DENND4A: variants seen among roughly 807,000 people sequenced by gnomAD.
DENND4A encodes DENN domain containing 4A.
DENND4A carries 70 observed loss-of-function variants against 199.3 expected under a neutral mutation model. The observed-to-expected ratio is 0.35, with a 90% CI of 0.29 to 0.43. The LOEUF is 0.43. DENND4A is among the 20% of genes least tolerant of loss of function. The pLI is 1.00. For missense variants in DENND4A, 1,723 were observed against 2,255.8 expected (o/e 0.76, Z 4.78); for synonymous variants, 686 against 766.9 (o/e 0.89, Z 1.74).
chr15:65,731,175 G>A (rs902210568), intron 9 of DENND4A, among the ~76,000 whole-genome samples: 1 of 151,956 alleles, frequency 6.6e-6, no homozygotes, highest in Non-Finnish European at 1.5e-5. Flanking sequence ...AAAGGATACT[G>A]TAGAGAAAAC....
At chr15:65,717,740 C>G in intron 13 of DENND4A, 38 bp downstream of exon 13, 2 of 1,500,590 alleles carry the variant, frequency 1.3e-6, no homozygotes, top group East Asian at 2.4e-5. Flanking sequence ...AAGTTAAGCT[C>G]AATAACCTGA....
intron 1 of DENND4A, among the ~76,000 whole-genome samples, chr15:65,790,218 C>G (rs1416024815): frequency 1.3e-5 from 2 of 152,142 alleles, no homozygotes; most frequent in Non-Finnish European, 2.9e-5. Flanking sequence ...GAATCAATAA[C>G]TCTTTAAACC....
In DENND4A at chr15:65,679,977, TTC is replaced by T. The variant is rs776442427; in HGVS notation, c.4180-3345_4180-3344del. Among the ~76,000 whole-genome samples the T allele has an allele frequency of 2.6e-5, 4 of 152,206 alleles. No homozygotes were observed. The East Asian group carries it at 5.8e-4, about 22-fold the overall frequency. On this transcript the variant is annotated intron_variant, in intron 23 of 32. Transcript: ENST00000443035. Reference sequence around the variant, plus strand: ...TTTTGGAATTACTTTTAACCCTACTTTCTTTCTCATCTCAATGCCTGTCCTTG... The same window carrying T: ...TTTTGGAATTACTTTTAACCCTACTTTTTCTCATCTCAATGCCTGTCCTTG...
At chr15:65,760,881 C>T (rs1165304342) in intron 2 of DENND4A, among the ~76,000 whole-genome samples, 3 of 151,900 alleles carry the variant, frequency 2.0e-5, no homozygotes, top group Non-Finnish European at 4.4e-5. Flanking sequence ...CAGAGGGAGG[C>T]TCTGTCTCAA....
At chr15:65,785,125 C>CAA (rs777538162) in intron 1 of DENND4A, among the ~76,000 whole-genome samples, 3 of 129,318 alleles carry the variant, frequency 2.3e-5, no homozygotes, top group African/African-American at 2.9e-5. Flanking sequence ...GACTCTGTCT[C>CAA]AAAAAAAAAA....
chr15:65,720,084 C>A (rs1372982887), intron 12 of DENND4A, among the ~76,000 whole-genome samples: 1 of 152,202 alleles, frequency 6.6e-6, no homozygotes, highest in East Asian at 1.9e-4. Context: ...GAACTGGATC[C>A]TTTTGTTATA....
At chr15:65,716,744 C>T (rs945073143) in intron 13 of DENND4A, among the ~76,000 whole-genome samples, 2 of 151,568 alleles carry the variant, frequency 1.3e-5, no homozygotes, top group Non-Finnish European at 2.9e-5. Context: ...GATTTATAGT[C>T]CTTTGGGTAT....
intron 1 of DENND4A, among the ~76,000 whole-genome samples, chr15:65,764,793 T>C (rs556091592): frequency 2.6e-5 from 4 of 152,058 alleles, no homozygotes; most frequent in Middle Eastern, 3.4e-3. Context: ...GGCAACATAG[T>C]GAGACCCCAT....
rs539833415 is a variant in DENND4A, at chr15:65,661,732, T to G, written c.*119A>C. The stretch of plus-strand genomic sequence containing the variant: ...TCTGTACATAAGCTGTCTGAGTCTT[T>G]TGAACCATTTACAAATTGTATTTTC... On this transcript the variant is annotated 3_prime_UTR_variant, in exon 33 of 33. Transcript: ENST00000443035. 2 of 910,432 alleles carry G rather than the reference T, an allele frequency of 2.2e-6. No homozygotes were observed. The highest frequency in any genetic ancestry group is 3.3e-5 in the African/African-American group (2 of 59,864). The allele number at this position is 910,432 out of a possible 1,614,324, so 56.4% of individuals were successfully genotyped here.
intron 21 of DENND4A, 190 bp from the exon 22 acceptor site, chr15:65,696,687 A>C: frequency 5.1e-6 from 2 of 392,670 alleles, no homozygotes; most frequent in Non-Finnish European, 9.3e-6. Flanking sequence ...AGTGTAGATC[A>C]AACTACTGAA....
intron 11 of DENND4A, among the ~76,000 whole-genome samples, chr15:65,726,864 G>A (rs1258596360): frequency 2.0e-5 from 3 of 152,034 alleles, no homozygotes; most frequent in African/African-American, 4.8e-5. Flanking sequence ...GCTGAGGCAG[G>A]AGAATTGCTT....
intron 4 of DENND4A, among the ~76,000 whole-genome samples, chr15:65,748,059 A>G (rs2076456319): frequency 6.9e-6 from 1 of 145,898 alleles, no homozygotes; most frequent in South Asian, 2.2e-4. Flanking sequence ...AAAAAAAAAA[A>G]AAAAGGAAAA....
At chr15:65,698,143 A>C (rs1370851275) in intron 20 of DENND4A, among the ~76,000 whole-genome samples, 4 of 151,868 alleles carry the variant, frequency 2.6e-5, no homozygotes, top group East Asian at 1.9e-4. Flanking sequence ...ACCTATAGAC[A>C]CTTCTTGGGA....
At chr15:65,744,239 G>A (rs915934830) in intron 4 of DENND4A, among the ~76,000 whole-genome samples, 5 of 152,144 alleles carry the variant, frequency 3.3e-5, no homozygotes, top group African/African-American at 1.2e-4. Context: ...CTGAGTAACA[G>A]GAAGGAAGAA....
chr15:65,666,137 A>G (rs1196171958), intron 29 of DENND4A, among the ~76,000 whole-genome samples: 1 of 152,218 alleles, frequency 6.6e-6, no homozygotes, highest in Non-Finnish European at 1.5e-5. Flanking sequence ...ATGGATACCT[A>G]TAACTGCAGA....
intron 1 of DENND4A, among the ~76,000 whole-genome samples, chr15:65,776,082 CTACTA>C (rs1332641781): frequency 6.6e-6 from 1 of 152,180 alleles, no homozygotes; most frequent in Non-Finnish European, 1.5e-5. Context: ...GTACATATCT[CTACTA>C]TGATTATCCC....
At chr15:65,759,207 G>C (rs2076788645) in intron 2 of DENND4A, among the ~76,000 whole-genome samples, 1 of 152,168 alleles carries the variant, frequency 6.6e-6, no homozygotes, top group Non-Finnish European at 1.5e-5. Context: ...GGCCAGGCAA[G>C]GTGGCTCACG....
At chr15:65,707,688 GA>G (rs2075106985) in intron 14 of DENND4A, among the ~76,000 whole-genome samples, 1 of 149,796 alleles carries the variant, frequency 6.7e-6, no homozygotes, top group African/African-American at 2.5e-5. Flanking sequence ...TACATATTAT[GA>G]TTTTTTTTTT....
chr15:65,675,072 A>G (rs2076332559), intron 24 of DENND4A, among the ~76,000 whole-genome samples: 1 of 152,216 alleles, frequency 6.6e-6, no homozygotes, highest in South Asian at 2.1e-4. Flanking sequence ...CAAATCTTCT[A>G]TTACATCCAT....
Sources: gnomAD v4.1 joint callset for allele counts (sites outside exome capture counted in the v4.1 genomes callset) on GRCh38, gnomAD v4.1.1 for gene constraint, MANE v1.5 for transcripts, NCBI Gene and HGNC (gene_info 2026-07-23, HGNC 2026-07-21) for gene names.